AATK: variants seen among roughly 807,000 people sequenced by gnomAD.
The protein encoded by AATK is serine/threonine-protein kinase LMTK1.
A neutral mutation model predicts 114.3 loss-of-function variants in AATK; 91 were observed. That is an observed-to-expected ratio of 0.80 (90% CI 0.67 to 0.95). The LOEUF (loss-of-function observed/expected upper bound fraction) is 0.95, where lower values mean the gene tolerates loss of function less well. Among genes scored for constraint, AATK ranks in the 40% least tolerant of loss-of-function variants. AATK has a pLI of 0.00. For synonymous variants in AATK, 1,075 were observed against 916.5 expected (o/e 1.17, Z -3.12); for missense variants, 2,176 against 1,965.2 (o/e 1.11, Z -2.03).
intron 1 of AATK, among the ~76,000 whole-genome samples, chr17:81,147,944 T>C (rs1160762531): frequency 6.6e-6 from 1 of 151,724 alleles, no homozygotes; most frequent in Non-Finnish European, 1.5e-5. Flanking sequence ...ATACAGATGT[T>C]AGAATTAGTG....
At chr17:81,123,717 C>A (rs1231860699) in intron 9 of AATK, among the ~76,000 whole-genome samples, 4 of 102,398 alleles carry the variant, frequency 3.9e-5, no homozygotes, top group Non-Finnish European at 7.5e-5. Flanking sequence ...CCCGCACCAG[C>A]AGGGGGCTGA....
chr17:81,118,589 G>A (rs531839704), intron 13 of AATK, 147 bp from the exon 14 acceptor site: 15 of 795,614 alleles, frequency 1.9e-5, no homozygotes, highest in East Asian at 2.7e-5. Context: ...GGTGAGAGAT[G>A]GACCCATTTC....
At chr17:81,154,319 CT>C (rs202002919) in intron 1 of AATK, among the ~76,000 whole-genome samples, 1,144 of 113,734 alleles carry the variant, frequency 0.01, 6 homozygotes, top group African/African-American at 0.037. Context: ...TTTTTTCTTT[CT>C]TTTTTTTTTT....
chr17:81,131,919 C>A (rs749361718), intron 2 of AATK: 2 of 1,343,086 alleles, frequency 1.5e-6, no homozygotes, highest in Admixed American at 4.0e-5. Context: ...CGCCATCTGC[C>A]CCAGCAGCCT....
chr17:81,137,983 C>T (rs547280173), intron 1 of AATK, among the ~76,000 whole-genome samples: 21 of 151,064 alleles, frequency 1.4e-4, no homozygotes, highest in Admixed American at 4.6e-4. Context: ...GACACCCACA[C>T]GCGTGCACAC....
intron 3 of AATK, among the ~76,000 whole-genome samples, chr17:81,129,399 G>A (rs757851188): frequency 5.3e-5 from 8 of 152,286 alleles, no homozygotes; most frequent in South Asian, 2.1e-4. Flanking sequence ...AAGTGTGGGG[G>A]TCCTGACCAT....
chr17:81,120,110 G>GCTCGGCCGCCAGGAGC, intron 11 of AATK, 27 bp from the exon 12 acceptor site: 13 of 1,465,512 alleles, frequency 8.9e-6, no homozygotes, highest in Non-Finnish European at 1.2e-5. Flanking sequence ...GCACCAGGTA[G>GCTCGGCCGCCAGGAGC]CTCGGCCGCC....
chr17:81,124,858 C>G lies in AATK; in HGVS notation c.841-10G>C, dbSNP rs370797201. ...TCACGAAGTAGTCCTCCTGTTGGCA[C>G]AGGGACGGGTCACCCCTGCCGGCGC... On this transcript the variant is annotated splice_polypyrimidine_tract_variant and intron_variant, in intron 8 of 13. Transcript: ENST00000326724. 316 of 1,602,312 alleles carry G rather than the reference C, an allele frequency of 2.0e-4. 1 individual carries two copies. In the African/African-American group the frequency reaches 3.9e-3, roughly 20 times the overall value.
chr17:81,160,371 G>A (rs2061416332), intron 1 of AATK: 1 of 489,726 alleles, frequency 2.0e-6, no homozygotes, highest in Non-Finnish European at 2.6e-6. Context: ...CCTGCGGAGG[G>A]AGGCTGGAGA....
chr17:81,124,026 A>C (rs2146294394), intron 9 of AATK, among the ~76,000 whole-genome samples: 1 of 152,174 alleles, frequency 6.6e-6, no homozygotes, highest in Middle Eastern at 3.4e-3. Context: ...ACCTTGGTGG[A>C]GAGGTGAGGA....
chr17:81,119,439 G>A lies in AATK; in HGVS notation c.4025C>T (p.Ala1342Val), dbSNP rs777627042. ...CGTGATGGAGAAGCGGGACGTGGGC[G>A]CGGGCGACACCGTGAAGCGCGAGAA... ...APFSRFTVSP[A>V]PTSRFSITHV... The change falls in exon 13 of 14, where the codon GCG becomes GTG. Residue 1342 changes from alanine (A) to valine (V), a missense_variant. By Grantham distance (64) the Ala-to-Val change is moderately conservative. Around this residue, in one of 4 missense-constraint regions of AATK, gnomAD observed 1,701 missense variants for 1,394.7 expected, o/e 1.22. Transcript: ENST00000326724. 2.0e-6 allele frequency: 3 copies of A among 1,520,914 alleles called. No homozygotes were observed. Among genetic ancestry groups the A allele is most frequent in the African/African-American group, 2.9e-5 (2 of 68,554 alleles). The allele number at this position is 1,520,914 out of a possible 1,614,324, so 94.2% of individuals were successfully genotyped here.
In AATK at chr17:81,122,190, T is replaced by C; in HGVS notation, c.1746A>G (p.Pro582=). Residue 582 remains proline (P), a synonymous_variant, in exon 11 of 14, where the codon CCA becomes CCG. Coordinates refer to ENST00000326724, the MANE Select transcript of AATK (RefSeq NM_001080395.3). ...CGCGGCCCCAGGGGACGTCGACGGG[T>C]GGCCCGTGGCCCAGCAGCGGCTCCA... ...LAMEPLLGHG[P]PVDVPWGRGD... 1 of 1,504,268 alleles carries C rather than the reference T, an allele frequency of 6.6e-7. No individual in the cohort carries two copies. The highest frequency in any genetic ancestry group is 8.9e-7 in the Non-Finnish European group (1 of 1,128,150). The allele number at this position is 1,504,268 out of a possible 1,614,324, so 93.2% of individuals were successfully genotyped here.
chr17:81,119,837 C>T (rs1400048078), intron 12 of AATK, 99 bp downstream of exon 12: 11 of 1,372,400 alleles, frequency 8.0e-6, no homozygotes, highest in Admixed American at 3.5e-5. Flanking sequence ...GGACCAGGTG[C>T]TCCTCCCATG....
chr17:81,122,495 A>G lies in AATK; in HGVS notation c.1441T>C (p.Trp481Arg). ...GCCTCCGCGCCGCGGCCCGCCTCCC[A>G]CTTGTACTCAAAATTGAGGCCTCGG... ...TSRGLNFEYK[W>R]EAGRGAEAFP... Residue 481 changes from tryptophan to arginine, a missense_variant, in exon 11 of 14, where the codon TGG becomes CGG. Trp to Arg is a moderately radical substitution (Grantham distance 101). This residue lies in a region of AATK where 1,701 missense variants were observed against 1,394.7 expected (regional missense o/e 1.22). Transcript: ENST00000326724. 1 of 1,466,838 alleles carries G rather than the reference A, an allele frequency of 6.8e-7. No homozygotes were observed. The highest frequency in any genetic ancestry group is 3.0e-5 in the East Asian group (1 of 33,034). 90.9% of individuals were successfully genotyped at this position (1,466,838 alleles called of 1,614,324 possible).
At position 81,165,952 on chromosome 17, in the gene AATK, G is replaced by A. The variant is rs2061485809; in HGVS notation, c.41C>T (p.Ser14Leu). Residue 14 changes from serine to leucine, a missense_variant, in exon 1 of 14, where the codon TCG becomes TTG. Ser to Leu is a moderately radical substitution (Grantham distance 145, BLOSUM62 -2). Transcript: ENST00000326724. ...CAGGGACTCACCGGGGTCGAAGTGC[G>A]AGCTGAAGGCGAAGCTGGGGTTGAA... ...SFFNPSFAFS[S>L]HFDPDGAPLS... The A allele has an allele frequency of 6.3e-7, 1 of 1,584,470 alleles. No individual in the cohort carries two copies. Among genetic ancestry groups the A allele is most frequent in the South Asian group, 1.2e-5 (1 of 86,612 alleles).
Position 81,122,137 on chromosome 17 carries a change from G to T in AATK, c.1799C>A (p.Ala600Glu), listed in dbSNP as rs764762790. ...GCGTGAGGGGCAGAGCGGGTCCCGC[G>T]CCAAGCTTCTGCGAGGGTAGTGGTC... ...RGDHYPRRSL[A>E]RDPLCPSRSP... The change falls in exon 11 of 14, where the codon GCG (alanine) becomes GAG (glutamate). Residue 600 changes from alanine (A) to glutamate (E), a missense_variant. This residue lies in a region of AATK where 1,701 missense variants were observed against 1,394.7 expected (regional missense o/e 1.22). Transcript: ENST00000326724. 3.3e-6 allele frequency: 5 copies of T among 1,531,458 alleles called. No homozygotes were observed. The allele number at this position is 1,531,458 out of a possible 1,614,324, so 94.9% of individuals were successfully genotyped here. A position where few individuals can be genotyped will look rare whatever the true frequency, so the allele number is the denominator to read the frequency against.
intron 1 of AATK, among the ~76,000 whole-genome samples, chr17:81,164,459 C>A (rs932457308): frequency 6.6e-6 from 1 of 152,202 alleles, no homozygotes; most frequent in Non-Finnish European, 1.5e-5. Context: ...GGAGAGACGC[C>A]CCTTGCCTCC....
At chr17:81,130,531 G>A (rs1212262316) in intron 3 of AATK, among the ~76,000 whole-genome samples, 4 of 152,140 alleles carry the variant, frequency 2.6e-5, no homozygotes, top group South Asian at 2.1e-4. Flanking sequence ...CTGAGTGAAA[G>A]GCTAATTCAC....
intron 13 of AATK, 124 bp downstream of exon 13, chr17:81,119,245 CGGGGCCGGGAA>C (rs1158758817): frequency 0.015 from 3,301 of 221,684 alleles, 25 homozygotes; most frequent in East Asian, 0.02. Flanking sequence ...CGGGAAGGAG[CGGGGCCGGGAA>C]GGAGCGGAGC....
Sources: gnomAD v4.1 joint callset for allele counts (sites outside exome capture counted in the v4.1 genomes callset) on GRCh38, gnomAD v4.1.1 for gene constraint, gnomAD v4.1.1 regional missense constraint, MANE v1.5 for transcripts, NCBI Gene and HGNC (gene_info 2026-07-23, HGNC 2026-07-21) for gene names.